Variants in PACS1 observed in about 807,000 individuals in gnomAD.
PACS1 encodes phosphofurin acidic cluster sorting protein 1.
In PACS1, 24 loss-of-function variants were observed where a neutral mutation model predicts 115.0. That is an observed-to-expected ratio of 0.21 (90% CI 0.15 to 0.29). The LOEUF is 0.29. Ranked by LOEUF, PACS1 falls within the 10% of genes least tolerant of loss-of-function variation. The pLI is 1.00. For synonymous variants in PACS1, 453 were observed against 504.5 expected (o/e 0.90, Z 1.37); for missense variants, 838 against 1,251.2 (o/e 0.67, Z 4.98).
At chr11:66,201,079 C>T (rs1343936546) in intron 2 of PACS1, among the ~76,000 whole-genome samples, 2 of 151,982 alleles carry the variant, frequency 1.3e-5, no homozygotes, top group Admixed American at 6.6e-5. Context: ...ATTAGCTGGG[C>T]GTGGTGGCAG....
At chr11:66,100,794 G>T (rs1163761791) in intron 1 of PACS1, 1 of 456,296 alleles carries the variant, frequency 2.2e-6, no homozygotes, top group Admixed American at 2.3e-5. Context: ...GCTGATGCCA[G>T]CTATTAGCTG....
intron 19 of PACS1, among the ~76,000 whole-genome samples, chr11:66,237,211 A>G (rs765826944): frequency 6.6e-6 from 1 of 151,286 alleles, no homozygotes; most frequent in Non-Finnish European, 1.5e-5. Context: ...GCCCCTGTGC[A>G]CGGCATGCCC....
Position 66,230,661 on chromosome 11 carries a change from C to A in PACS1, c.1488C>A (p.Pro496=). The A allele has an allele frequency of 6.2e-7, 1 of 1,612,188 alleles. No individual in the cohort carries two copies. Among genetic ancestry groups the A allele is most frequent in the Non-Finnish European group, 8.5e-7 (1 of 1,178,166 alleles). Residue 496 remains proline (P), a splice_region_variant and synonymous_variant, in exon 12 of 24, where the codon CCC becomes CCA. Coordinates refer to ENST00000320580, the MANE Select transcript of PACS1 (RefSeq NM_018026.4). ...SKTDLQGSAS[P]SKVEGVHTPR... is the part of the protein sequence containing the mutation. ...CGGATCTCCAGGGCTCTGCCTCCCC[C>A]AGGTACTGCAGATGGAAAGGAAGCA...
rs533496304 is a variant in PACS1 at position 66,074,818 on chromosome 11, G to T, written c.356+3976G>T. ...GTGTTACTTTCATGAAAACGCTTGG[G>T]GGCATTTGCCCCTTTAACCACAGAA... On this transcript the variant is annotated intron_variant, in intron 1 of 23. Coordinates refer to ENST00000320580, the MANE Select transcript of PACS1 (RefSeq NM_018026.4). Among the ~76,000 whole-genome samples, 2 of 152,202 alleles carry T rather than the reference G, an allele frequency of 1.3e-5. 1 individual carries two copies. The highest frequency in any genetic ancestry group is 4.1e-4 in the South Asian group (2 of 4,822).
intron 1 of PACS1, among the ~76,000 whole-genome samples, chr11:66,151,862 A>G (rs1442192991): frequency 1.3e-5 from 2 of 152,246 alleles, no homozygotes; most frequent in Non-Finnish European, 2.9e-5. Context: ...AAGTGAACAG[A>G]TAGAGAAATT....
At chr11:66,120,172 G>A (rs1217738563) in intron 1 of PACS1, among the ~76,000 whole-genome samples, 2 of 124,340 alleles carry the variant, frequency 1.6e-5, no homozygotes, top group East Asian at 2.4e-4. Flanking sequence ...TTTTGAGACA[G>A]AGTCTCGCTC....
intron 1 of PACS1, among the ~76,000 whole-genome samples, chr11:66,077,666 AT>A (rs1857419317): frequency 6.9e-6 from 1 of 144,622 alleles, no homozygotes; most frequent in African/African-American, 2.6e-5. Context: ...AGGTTTGTTT[AT>A]TTAATTTTGT....
In PACS1 at chr11:66,070,387, G is replaced by T. The variant is rs1369995764; in HGVS notation, c.-100G>T. The T allele has an allele frequency of 3.0e-6, 2 of 658,644 alleles. No individual in the cohort carries two copies. The highest frequency in any genetic ancestry group is 3.8e-5 in the African/African-American group (2 of 52,014). The allele number at this position is 658,644 out of a possible 1,614,324, so 40.8% of individuals were successfully genotyped here. ...TGGCTGCTCGCGCTCGGGCAGGCGG[G>T]CTGAGGAGGCTGCCGCGCCCCCGCC... On this transcript the variant is annotated 5_prime_UTR_variant, in exon 1 of 24. Transcript: ENST00000320580. The surrounding 1 kb of genome is among the most constrained non-coding windows in gnomAD (Gnocchi z 5.9).
At chr11:66,241,773 G>A in intron 22 of PACS1, 120 bp downstream of exon 22, 1 of 777,608 alleles carries the variant, frequency 1.3e-6, no homozygotes, top group South Asian at 1.8e-5. Context: ...CCATGGTCTG[G>A]CATGGGGTGC....
chr11:66,108,592 A>C (rs945144948), intron 1 of PACS1, among the ~76,000 whole-genome samples: 4 of 151,998 alleles, frequency 2.6e-5, no homozygotes, highest in Non-Finnish European at 5.9e-5. Flanking sequence ...TTAAGATCTT[A>C]TCTCTACAAA....
intron 1 of PACS1, among the ~76,000 whole-genome samples, chr11:66,085,463 C>T (rs1272877184): frequency 6.6e-6 from 1 of 152,170 alleles, no homozygotes; most frequent in Non-Finnish European, 1.5e-5. Context: ...CTCATTATAT[C>T]TAGATCAAAT....
At chr11:66,086,707 C>A (rs1031879769) in intron 1 of PACS1, among the ~76,000 whole-genome samples, 1 of 152,114 alleles carries the variant, frequency 6.6e-6, no homozygotes, top group African/African-American at 2.4e-5. Context: ...CCTCCGCCTC[C>A]CAGGCTCAAG....
intron 1 of PACS1, among the ~76,000 whole-genome samples, chr11:66,095,372 C>A (rs946037365): frequency 9.2e-5 from 14 of 152,150 alleles, no homozygotes; most frequent in Non-Finnish European, 1.9e-4. Context: ...AATCAATGTA[C>A]AAAAATCACA....
intron 1 of PACS1, among the ~76,000 whole-genome samples, chr11:66,085,953 T>A: frequency 6.6e-6 from 1 of 152,170 alleles, no homozygotes; most frequent in East Asian, 1.9e-4. Flanking sequence ...CCAATACAGG[T>A]GTATTGTGTT....
chr11:66,210,544 C>T (rs1565148336), intron 3 of PACS1, 93 bp downstream of exon 3: 1 of 939,750 alleles, frequency 1.1e-6, no homozygotes, highest in Non-Finnish European at 1.7e-6. Context: ...ATCCCAGAGC[C>T]CCCATTCCCC....
At chr11:66,102,669 T>C (rs1407460179) in intron 1 of PACS1, among the ~76,000 whole-genome samples, 2 of 152,078 alleles carry the variant, frequency 1.3e-5, no homozygotes, top group African/African-American at 2.4e-5. Context: ...TTGAAATCAG[T>C]GTAAAATAAT....
intron 1 of PACS1, among the ~76,000 whole-genome samples, chr11:66,191,790 G>A (rs548538911): frequency 1.1e-4 from 16 of 152,296 alleles, no homozygotes; most frequent in African/African-American, 3.4e-4. Context: ...TTGCCAGGCC[G>A]AGGCAGGCGG....
intron 1 of PACS1, among the ~76,000 whole-genome samples, chr11:66,081,157 C>T (rs1401362460): frequency 6.6e-6 from 1 of 151,782 alleles, no homozygotes. Context: ...TGTGTGAGCT[C>T]AGGAAGTCAA....
At chr11:66,208,758 A>G (rs1253202049) in intron 2 of PACS1, among the ~76,000 whole-genome samples, 1 of 152,088 alleles carries the variant, frequency 6.6e-6, no homozygotes, top group East Asian at 1.9e-4. Flanking sequence ...GAGAAAAAAG[A>G]AAATAATATA....
Sources: gnomAD v4.1 joint callset for allele counts (sites outside exome capture counted in the v4.1 genomes callset) on GRCh38, gnomAD v4.1.1 for gene constraint, Gnocchi (gnomAD v3.1) non-coding constraint, MANE v1.5 for transcripts, NCBI Gene and HGNC (gene_info 2026-07-23, HGNC 2026-07-21) for gene names.